PTPRG: variants seen among roughly 807,000 people sequenced by gnomAD.
The protein encoded by PTPRG is protein tyrosine phosphatase receptor type G, also known as receptor-type tyrosine-protein phosphatase gamma.
Under a neutral mutation model 165.3 loss-of-function variants are expected in PTPRG, and 102 were observed. The ratio of observed to expected loss-of-function variants is 0.62; its 90% CI spans 0.53 to 0.73. PTPRG has a LOEUF of 0.73. Ranked by LOEUF, PTPRG falls within the 30% of genes least tolerant of loss-of-function variation. The probability of loss-of-function intolerance (pLI) is 0.00; values close to 1 mark genes in which losing one functional copy is unlikely to be tolerated. For synonymous variants in PTPRG, 675 were observed against 669.5 expected, an observed-to-expected ratio of 1.01 and a Z score of -0.13; for missense variants, 1,866 against 1,861.4, an observed-to-expected ratio of 1.00 and a Z score of -0.05.
chr3:62,190,766 C>T lies in PTPRG; in HGVS notation c.1034-703C>T, dbSNP rs1015395997. ...TAGTTAGCACACTCCACCAGTCCAA[C>T]GGCCTGGCTTCTTCAAAACGTCCAT... On this transcript the variant is annotated intron_variant, in intron 8 of 29. Transcript: ENST00000474889. The surrounding 1 kb of genome is among the most constrained non-coding windows in gnomAD (Gnocchi z 5.2). Among the ~76,000 whole-genome samples, 3 of 152,206 alleles carry T rather than the reference C, an allele frequency of 2.0e-5. No individual in the cohort carries two copies. The highest frequency in any genetic ancestry group is 2.4e-5 in the African/African-American group (1 of 41,450).
At position 61,826,577 on chromosome 3, in the gene PTPRG, C is replaced by T. The variant is rs181126548; in HGVS notation, c.190+77595C>T. 4.5e-3 allele frequency among the ~76,000 whole-genome samples: 679 copies of T among 151,670 alleles called. 11 individuals are homozygous for T. Among genetic ancestry groups the T allele is most frequent in the Admixed American group, 7.9e-3 (120 of 15,230 alleles). ...TTCCCCTCTTCCCTACTTTTGATGA[C>T]GGCCAATTTGTTAAAAATGTAAGAA... On this transcript the variant is annotated intron_variant, in intron 2 of 29. Coordinates refer to ENST00000474889, the MANE Select transcript of PTPRG (RefSeq NM_002841.4).
intron 2 of PTPRG, among the ~76,000 whole-genome samples, chr3:61,855,532 C>G (rs939300723): frequency 1.3e-5 from 2 of 151,730 alleles, no homozygotes; most frequent in South Asian, 4.2e-4. Flanking sequence ...CCATGTAAAA[C>G]TTCAAAACTC....
intron 19 of PTPRG, among the ~76,000 whole-genome samples, chr3:62,268,365 G>A (rs760765629): frequency 6.6e-6 from 1 of 151,990 alleles, no homozygotes; most frequent in Non-Finnish European, 1.5e-5. Flanking sequence ...GCTAATTTAG[G>A]CTGGAATAAA....
chr3:61,615,275 GTC>G (rs2106882686), intron 1 of PTPRG, among the ~76,000 whole-genome samples: 1 of 152,316 alleles, frequency 6.6e-6, no homozygotes, highest in African/African-American at 2.4e-5. Context: ...TCTGTTGTTA[GTC>G]TCTTTCAGGT....
chr3:62,290,602 CAG>C (rs958980899), intron 28 of PTPRG, among the ~76,000 whole-genome samples: 6 of 152,010 alleles, frequency 3.9e-5, no homozygotes, highest in African/African-American at 1.2e-4. Context: ...AAGGTCAAAA[CAG>C]AGTTCAGAAA....
chr3:61,833,232 A>T (rs2036359748), intron 2 of PTPRG, among the ~76,000 whole-genome samples: 1 of 152,168 alleles, frequency 6.6e-6, no homozygotes. Context: ...AATTCTACAT[A>T]TGACCCTAAA....
chr3:61,805,493 C>G (rs66604331), intron 2 of PTPRG, among the ~76,000 whole-genome samples: 11,063 of 117,470 alleles, frequency 0.094, 521 homozygotes, highest in East Asian at 0.25. Context: ...CCTTTTAAAA[C>G]AAATCCCAGG....
At chr3:61,969,895 A>G (rs1559719925) in intron 2 of PTPRG, among the ~76,000 whole-genome samples, 1 of 152,182 alleles carries the variant, frequency 6.6e-6, no homozygotes. Context: ...ACACTGGTAG[A>G]ATAGATTAAT....
chr3:61,577,161 C>A (rs118006896), intron 1 of PTPRG, among the ~76,000 whole-genome samples: 2 of 152,222 alleles, frequency 1.3e-5, no homozygotes, highest in East Asian at 3.9e-4. Context: ...GAGTGGTCCT[C>A]TGATCAGTGT....
intron 2 of PTPRG, among the ~76,000 whole-genome samples, chr3:61,786,914 C>A (rs1028270142): frequency 6.6e-6 from 1 of 152,242 alleles, no homozygotes. Flanking sequence ...CTTTTGAATT[C>A]TTTCTTAATT....
intron 8 of PTPRG, among the ~76,000 whole-genome samples, chr3:62,182,216 G>A (rs1053412609): frequency 1.3e-5 from 2 of 152,102 alleles, no homozygotes; most frequent in Non-Finnish European, 2.9e-5. Context: ...TCTCAGGGGT[G>A]GAAATTCACT....
intron 1 of PTPRG, among the ~76,000 whole-genome samples, chr3:61,718,845 A>G (rs1172871182): frequency 6.6e-6 from 1 of 152,156 alleles, no homozygotes; most frequent in Non-Finnish European, 1.5e-5. Flanking sequence ...CATGAAGTTC[A>G]ATGCTATTGA....
intron 1 of PTPRG, among the ~76,000 whole-genome samples, chr3:61,692,581 G>T (rs969466671): frequency 6.6e-6 from 1 of 152,162 alleles, no homozygotes; most frequent in Non-Finnish European, 1.5e-5. Flanking sequence ...AGTCAGCGAG[G>T]CGAGGTAGGG....
intron 2 of PTPRG, among the ~76,000 whole-genome samples, chr3:61,784,638 G>A (rs1329042424): frequency 6.6e-6 from 1 of 152,068 alleles, no homozygotes; most frequent in East Asian, 1.9e-4. Context: ...GCATAACGCT[G>A]GTAGATTAGG....
chr3:62,274,238 C>G (rs1316226262), intron 23 of PTPRG, among the ~76,000 whole-genome samples: 3 of 151,994 alleles, frequency 2.0e-5, no homozygotes, highest in Non-Finnish European at 2.9e-5. Context: ...ATGCCTATTT[C>G]AAAAACTATT....
intron 1 of PTPRG, among the ~76,000 whole-genome samples, chr3:61,563,630 T>C (rs558496134): frequency 9.5e-4 from 145 of 152,194 alleles, no homozygotes; most frequent in Non-Finnish European, 6.6e-4. Context: ...AACTCCTGCA[T>C]ACCCGGAGGT....
chr3:62,154,921 G>A (rs1704478908), intron 6 of PTPRG, among the ~76,000 whole-genome samples: 3 of 152,138 alleles, frequency 2.0e-5, no homozygotes, highest in African/African-American at 7.2e-5. Flanking sequence ...GGGGCTTTGT[G>A]TTGACTCTTT....
intron 4 of PTPRG, among the ~76,000 whole-genome samples, chr3:62,071,407 T>A (rs925884554): frequency 2.0e-5 from 3 of 152,188 alleles, no homozygotes; most frequent in Non-Finnish European, 4.4e-5. Context: ...CACACAACTA[T>A]AATAGTAGGC....
At chr3:62,144,635 AG>A (rs1206622839) in intron 6 of PTPRG, among the ~76,000 whole-genome samples, 6 of 152,184 alleles carry the variant, frequency 3.9e-5, no homozygotes, top group Admixed American at 3.9e-4. Context: ...TTAAGGATCC[AG>A]GAAGGACTGA....
Sources: gnomAD v4.1 joint callset for allele counts (sites outside exome capture counted in the v4.1 genomes callset) on GRCh38, gnomAD v4.1.1 for gene constraint, Gnocchi (gnomAD v3.1) non-coding constraint, MANE v1.5 for transcripts, NCBI Gene and HGNC (gene_info 2026-07-23, HGNC 2026-07-21) for gene names.